The following CADM2 variants were observed in gnomAD, a reference collection of about 807,000 sequenced individuals.
CADM2 encodes immunoglobulin superfamily member 4D.
CADM2 carries 12 observed loss-of-function variants against 49.8 expected under a neutral mutation model. That is an observed-to-expected ratio of 0.24 (90% CI 0.15 to 0.39). The LOEUF is 0.39. Ranked by LOEUF, CADM2 falls within the 10% of genes least tolerant of loss-of-function variation. The pLI is 1.00. For synonymous variants in CADM2, 214 were observed against 175.4 expected, an observed-to-expected ratio of 1.22 and a Z score of -1.74; for missense variants, 378 against 492.3, an observed-to-expected ratio of 0.77 and a Z score of 2.20.
intron 1 of CADM2, among the ~76,000 whole-genome samples, chr3:85,464,084 A>C (rs2107595598): frequency 6.6e-6 from 1 of 152,306 alleles, no homozygotes; most frequent in African/African-American, 2.4e-5. Context: ...CCCTAATAAT[A>C]AACATATTTT....
chr3:85,104,545 C>T (rs898510825), intron 1 of CADM2, among the ~76,000 whole-genome samples: 8 of 152,028 alleles, frequency 5.3e-5, no homozygotes, highest in East Asian at 1.9e-4. Context: ...ATTGACTTGG[C>T]GATGCGGGCT....
intron 1 of CADM2, among the ~76,000 whole-genome samples, chr3:85,508,229 C>G (rs1393334222): frequency 2.0e-5 from 3 of 152,158 alleles, no homozygotes; most frequent in Non-Finnish European, 4.4e-5. Flanking sequence ...TACTATTTCA[C>G]CTGATAACCA....
chr3:85,464,077 T>A (rs2038379626), intron 1 of CADM2, among the ~76,000 whole-genome samples: 1 of 152,180 alleles, frequency 6.6e-6, no homozygotes, highest in Admixed American at 6.6e-5. Flanking sequence ...CACTTTCCCC[T>A]AATAATAAAC....
At chr3:85,235,112 T>G (rs1481441068) in intron 1 of CADM2, among the ~76,000 whole-genome samples, 1 of 152,074 alleles carries the variant, frequency 6.6e-6, no homozygotes, top group African/African-American at 2.4e-5. Flanking sequence ...TACAATCTGT[T>G]AAGGGAGATG....
At chr3:85,630,284 C>T (rs2064267429) in intron 1 of CADM2, among the ~76,000 whole-genome samples, 1 of 151,896 alleles carries the variant, frequency 6.6e-6, no homozygotes. Context: ...TGGTGAATTT[C>T]CATTCCGACT....
At chr3:85,874,935 A>T (rs529923816) in intron 3 of CADM2, among the ~76,000 whole-genome samples, 2 of 152,268 alleles carry the variant, frequency 1.3e-5, no homozygotes, top group South Asian at 4.1e-4. Flanking sequence ...TAAACATAGA[A>T]ATACTAGGGT....
At chr3:85,403,596 C>T (rs1393494953) in intron 1 of CADM2, among the ~76,000 whole-genome samples, 2 of 152,066 alleles carry the variant, frequency 1.3e-5, no homozygotes, top group African/African-American at 4.8e-5. Flanking sequence ...CAGATCTGGT[C>T]TTCACCACCA....
At chr3:85,095,391 A>T (rs2037755939) in intron 1 of CADM2, among the ~76,000 whole-genome samples, 1 of 152,188 alleles carries the variant, frequency 6.6e-6, no homozygotes, top group Non-Finnish European at 1.5e-5. Context: ...CAGATGGGTC[A>T]TATTATTTGT....
intron 1 of CADM2, among the ~76,000 whole-genome samples, chr3:85,353,631 C>G (rs1235626587): frequency 6.6e-6 from 1 of 151,110 alleles, no homozygotes; most frequent in Non-Finnish European, 1.5e-5. Flanking sequence ...TTAGATTTCC[C>G]TTTCTTAACA....
chr3:84,977,131 C>T (rs964141186), intron 1 of CADM2, among the ~76,000 whole-genome samples: 37 of 151,858 alleles, frequency 2.4e-4, no homozygotes, highest in African/African-American at 8.0e-4. Context: ...AGATCTTTAG[C>T]GCCTTTAAGT....
intron 1 of CADM2, among the ~76,000 whole-genome samples, chr3:85,673,943 C>G (rs2065820344): frequency 6.6e-6 from 1 of 151,872 alleles, no homozygotes; most frequent in Non-Finnish European, 1.5e-5. Flanking sequence ...ATGAAAAGAC[C>G]CTGGGATGTT....
intron 1 of CADM2, among the ~76,000 whole-genome samples, chr3:85,304,953 T>A (rs1436328256): frequency 6.6e-6 from 1 of 151,724 alleles, no homozygotes; most frequent in Non-Finnish European, 1.5e-5. Flanking sequence ...AATGAAGATA[T>A]TAATGGTTTT....
intron 1 of CADM2, among the ~76,000 whole-genome samples, chr3:85,399,793 G>T (rs1031716729): frequency 6.6e-6 from 1 of 152,150 alleles, no homozygotes; most frequent in Non-Finnish European, 1.5e-5. Context: ...GTATAAGAAT[G>T]CTTGTGATTT....
At chr3:86,028,486 G>A (rs1331569052) in intron 8 of CADM2, among the ~76,000 whole-genome samples, 1 of 152,120 alleles carries the variant, frequency 6.6e-6, no homozygotes. Flanking sequence ...TAGATCATAT[G>A]AGAGAGTTTC....
At chr3:85,948,035 C>T (rs1203482591) in intron 7 of CADM2, among the ~76,000 whole-genome samples, 1 of 151,384 alleles carries the variant, frequency 6.6e-6, no homozygotes, top group Non-Finnish European at 1.5e-5. Flanking sequence ...CTGTCATATA[C>T]GTTTAGTAGA....
At chr3:85,889,621 A>C (rs1383874383) in intron 5 of CADM2, among the ~76,000 whole-genome samples, 2 of 152,204 alleles carry the variant, frequency 1.3e-5, no homozygotes, top group Non-Finnish European at 2.9e-5. Context: ...GGTTGCCTCA[A>C]AGTGCTTTTG....
At position 85,568,700 on chromosome 3, in the gene CADM2, G is replaced by T. The variant is rs542381446; in HGVS notation, c.62-157822G>T. Among the ~76,000 whole-genome samples the T allele has an allele frequency of 3.2e-4, 48 of 148,376 alleles. 1 individual carries two copies. In the South Asian group the frequency reaches 9.4e-3, roughly 29 times the overall value. The stretch of plus-strand genomic sequence containing the variant: ...TCACTGCAACCTCCGCCTCCTGGGA[G>T]CAGGCAATTCTCCTGCCTCAGCCTC... On this transcript the variant is annotated intron_variant, in intron 1 of 9. Coordinates refer to ENST00000383699, the MANE Select transcript of CADM2 (RefSeq NM_001167675.2).
At chr3:85,750,324 A>G (rs1004658601) in intron 2 of CADM2, among the ~76,000 whole-genome samples, 7 of 152,026 alleles carry the variant, frequency 4.6e-5, no homozygotes, top group African/African-American at 9.7e-5. Context: ...TTAATTTTCT[A>G]AGGTCATCCC....
intron 1 of CADM2, among the ~76,000 whole-genome samples, chr3:85,127,908 C>T (rs1297367482): frequency 2.0e-5 from 3 of 152,084 alleles, no homozygotes; most frequent in Admixed American, 6.5e-5. Context: ...CCAAACAATA[C>T]AGTTTCTGAT....
Sources: gnomAD v4.1 joint callset for allele counts (sites outside exome capture counted in the v4.1 genomes callset) on GRCh38, gnomAD v4.1.1 for gene constraint, MANE v1.5 for transcripts, NCBI Gene and HGNC (gene_info 2026-07-23, HGNC 2026-07-21) for gene names.